Variants in CA1 observed in about 807,000 individuals in gnomAD.
CA1 encodes carbonate dehydratase I.
In CA1, 27 loss-of-function variants were observed where a neutral mutation model predicts 28.8. The ratio of observed to expected loss-of-function variants is 0.94; its 90% confidence interval spans 0.69 to 1.29. The LOEUF (loss-of-function observed/expected upper bound fraction) is 1.29, where lower values mean the gene tolerates loss of function less well. CA1 is among the 50% of genes most tolerant of loss of function. The pLI, the probability that CA1 is intolerant of heterozygous loss-of-function variation, is 0.00. For synonymous variants in CA1, 121 were observed against 108.8 expected, an observed-to-expected ratio of 1.11 and a Z score of -0.70; for missense variants, 335 against 310.5, an observed-to-expected ratio of 1.08 and a Z score of -0.59.
chr8:85,334,975 G>A (rs1409756076), intron 4 of CA1, among the ~76,000 whole-genome samples: 1 of 150,190 alleles, frequency 6.7e-6, no homozygotes, highest in African/African-American at 2.5e-5. Flanking sequence ...GGGCAACAGA[G>A]CAAGACTCTT....
rs1225578110 is a variant in CA1 at position 85,338,513 on chromosome 8, T to C, written c.38-64A>G. The C allele has an allele frequency of 5.0e-6, 6 of 1,211,346 alleles. No homozygotes were observed. In the South Asian group the frequency reaches 6.0e-5, roughly 12 times the overall value. 75.0% of individuals were successfully genotyped at this position (1,211,346 alleles called of 1,614,324 possible). On this transcript the variant is annotated intron_variant, in intron 2 of 7. Coordinates refer to ENST00000523022, the MANE Select transcript of CA1 (RefSeq NM_001128831.4). ...AATGCTTGATTCCAAGTTTTAGGAGTATAGTTACCTGTTTGCTTATTAGAT... is the reference window on the plus strand; with the variant it reads ...AATGCTTGATTCCAAGTTTTAGGAGCATAGTTACCTGTTTGCTTATTAGAT...
chr8:85,331,559 C>A (rs902960802), intron 6 of CA1, among the ~76,000 whole-genome samples: 1 of 152,054 alleles, frequency 6.6e-6, no homozygotes, highest in African/African-American at 2.4e-5. Context: ...TGGGTTCAAG[C>A]GATTCTCCTG....
intron 4 of CA1, among the ~76,000 whole-genome samples, chr8:85,335,125 C>T (rs1416889943): frequency 1.3e-5 from 2 of 152,166 alleles, no homozygotes; most frequent in East Asian, 3.9e-4. Flanking sequence ...GCAATTTCCT[C>T]TGACCATGCC....
At chr8:85,363,768 G>T (rs1285155154) in intron 1 of CA1, among the ~76,000 whole-genome samples, 2 of 152,102 alleles carry the variant, frequency 1.3e-5, no homozygotes, top group Non-Finnish European at 2.9e-5. Flanking sequence ...AAGATCTACT[G>T]CAAGAATGAT....
intron 2 of CA1, 153 bp downstream of exon 2, chr8:85,341,446 C>A: frequency 1.7e-6 from 1 of 601,794 alleles, no homozygotes; most frequent in Non-Finnish European, 3.0e-6. Flanking sequence ...AAAGACAATG[C>A]TAAGAATACA....
At chr8:85,344,251 TTATATACAGTATATA>T (rs1809068119) in intron 1 of CA1, among the ~76,000 whole-genome samples, 1 of 100,452 alleles carries the variant, frequency 1.0e-5, no homozygotes, top group Admixed American at 1.1e-4. Flanking sequence ...TAATTATATA[TTATATACAGTATATA>T]ATATATAATT....
intron 1 of CA1, among the ~76,000 whole-genome samples, chr8:85,350,315 G>C (rs7843417): frequency 0.028 from 4,200 of 152,182 alleles, 175 homozygotes; most frequent in African/African-American, 0.095. Flanking sequence ...TTAGCTTCTG[G>C]AATCAGAAAA....
intron 1 of CA1, among the ~76,000 whole-genome samples, chr8:85,361,622 A>C (rs1299813389): frequency 6.6e-6 from 1 of 152,156 alleles, no homozygotes; most frequent in Non-Finnish European, 1.5e-5. Context: ...GGTTGCAGTG[A>C]GCCATCACAC....
intron 1 of CA1, among the ~76,000 whole-genome samples, chr8:85,350,797 T>C (rs1378344495): frequency 6.6e-6 from 1 of 152,176 alleles, no homozygotes; most frequent in Non-Finnish European, 1.5e-5. Context: ...TCAGTTAGAA[T>C]GAAGCTTATG....
At chr8:85,331,140 C>T (rs531494120) in intron 6 of CA1, among the ~76,000 whole-genome samples, 1 of 152,206 alleles carries the variant, frequency 6.6e-6, no homozygotes, top group East Asian at 1.9e-4. Context: ...TTTAGGTTCT[C>T]AGTCTATTTA....
intron 1 of CA1, among the ~76,000 whole-genome samples, chr8:85,370,246 C>T (rs1810165087): frequency 6.6e-6 from 1 of 152,166 alleles, no homozygotes; most frequent in South Asian, 2.1e-4. Flanking sequence ...TTCACTTTGA[C>T]AGTCTCAGCC....
intron 5 of CA1, 118 bp from the exon 6 acceptor site, chr8:85,332,670 T>G: frequency 1.3e-6 from 1 of 757,830 alleles, no homozygotes; most frequent in South Asian, 1.5e-5. Context: ...ATTTTCTCTC[T>G]GCTTTAGAAG....
intron 1 of CA1, among the ~76,000 whole-genome samples, chr8:85,347,035 T>C (rs1809220167): frequency 6.6e-6 from 1 of 152,166 alleles, no homozygotes; most frequent in Non-Finnish European, 1.5e-5. Flanking sequence ...TTAATTACCT[T>C]GTAGTAACAT....
intron 1 of CA1, among the ~76,000 whole-genome samples, chr8:85,346,289 T>A (rs1007076884): frequency 6.6e-6 from 1 of 152,238 alleles, no homozygotes; most frequent in Non-Finnish European, 1.5e-5. Flanking sequence ...CATGAATGGA[T>A]AACTTGGGCA....
At chr8:85,363,268 A>G (rs1335767525) in intron 1 of CA1, among the ~76,000 whole-genome samples, 2 of 152,248 alleles carry the variant, frequency 1.3e-5, no homozygotes, top group Non-Finnish European at 2.9e-5. Context: ...CATTCACAGG[A>G]GCACAGCACA....
intron 3 of CA1, 131 bp from the exon 4 acceptor site, chr8:85,337,194 C>T (rs1808697585): frequency 1.4e-6 from 1 of 707,298 alleles, no homozygotes; most frequent in African/African-American, 1.7e-5. Flanking sequence ...AAACTTTCAT[C>T]TTGTTTTCCC....
chr8:85,375,212 A>G (rs1444487935), intron 1 of CA1, among the ~76,000 whole-genome samples: 1 of 152,134 alleles, frequency 6.6e-6, no homozygotes, highest in South Asian at 2.1e-4. Context: ...CCACTGTGCT[A>G]TTCCACCTTA....
intron 1 of CA1, among the ~76,000 whole-genome samples, chr8:85,367,868 G>C (rs1318611474): frequency 6.6e-6 from 1 of 152,140 alleles, no homozygotes; most frequent in African/African-American, 2.4e-5. Context: ...TGAAAAGTAA[G>C]ACTACGACTA....
chr8:85,374,541 C>T (rs540338585), intron 1 of CA1, among the ~76,000 whole-genome samples: 3 of 152,128 alleles, frequency 2.0e-5, no homozygotes, highest in Non-Finnish European at 4.4e-5. Flanking sequence ...TGGTTTTAAT[C>T]GTACGTAAGA....
Sources: allele counts gnomAD v4.1 joint callset (sites outside exome capture counted in the v4.1 genomes callset), GRCh38; gene constraint gnomAD v4.1.1; transcripts MANE v1.5; gene names NCBI Gene and HGNC (gene_info 2026-07-23, HGNC 2026-07-21).